Variants in PALM2AKAP2 observed in about 807,000 individuals in gnomAD.
PALM2AKAP2 encodes the protein PALM2 and AKAP2 fusion, also known as PALM2-AKAP2 fusion protein.
Under a neutral mutation model 71.5 loss-of-function variants are expected in PALM2AKAP2, and 37 were observed. The observed-to-expected ratio is 0.52, with a 90% confidence interval of 0.40 to 0.68. PALM2AKAP2 has a LOEUF of 0.68. Among genes scored for constraint, PALM2AKAP2 ranks in the 30% least tolerant of loss-of-function variants. The pLI, the probability that PALM2AKAP2 is intolerant of heterozygous loss-of-function variation, is 0.00. For synonymous variants in PALM2AKAP2, 468 were observed against 478.8 expected, an observed-to-expected ratio of 0.98 and a Z score of 0.29; for missense variants, 1,224 against 1,191.8, an observed-to-expected ratio of 1.03 and a Z score of -0.40.
chr9:109,670,803 A>G (rs1372451591), intron 1 of PALM2AKAP2, among the ~76,000 whole-genome samples: 5 of 152,168 alleles, frequency 3.3e-5, no homozygotes, highest in South Asian at 2.1e-4. Flanking sequence ...CTATTTAATA[A>G]TAGCCATTCT....
At chr9:110,156,250 C>T (rs554236737) in intron 2 of PALM2AKAP2, 69 bp from the exon 9 acceptor site, 51 of 1,469,914 alleles carry the variant, frequency 3.5e-5, no homozygotes, top group East Asian at 1.9e-4. Context: ...TTTTATTTGC[C>T]AGTTTTCTTT....
At chr9:110,120,316 T>A (rs141823168) in intron 1 of PALM2AKAP2, among the ~76,000 whole-genome samples, 1 of 152,202 alleles carries the variant, frequency 6.6e-6, no homozygotes, top group Non-Finnish European at 1.5e-5. Context: ...ATCTTTTGAG[T>A]CTAAGATCCT....
intron 3 of PALM2AKAP2, among the ~76,000 whole-genome samples, chr9:109,887,966 C>G (rs140754652): frequency 6.6e-6 from 1 of 152,166 alleles, no homozygotes; most frequent in Admixed American, 6.5e-5. Flanking sequence ...GTGCATCAGA[C>G]GCACCATGAC....
chr9:110,040,414 T>C (rs569955288), intron 7 of PALM2AKAP2, among the ~76,000 whole-genome samples: 1 of 152,322 alleles, frequency 6.6e-6, no homozygotes, highest in Non-Finnish European at 1.5e-5. Context: ...ATGTTCAGTA[T>C]ACTAGAAGGA....
chr9:110,052,253 T>C (rs1452612717), intron 1 of PALM2AKAP2, among the ~76,000 whole-genome samples: 1 of 152,162 alleles, frequency 6.6e-6, no homozygotes, highest in East Asian at 1.9e-4. Context: ...AGAATTTCTG[T>C]AAAGCTAAAA....
chr9:109,775,319 A>T (rs576599601), upstream of PALM2AKAP2, among the ~76,000 whole-genome samples: 1 of 152,376 alleles, frequency 6.6e-6, no homozygotes, highest in African/African-American at 2.4e-5. Flanking sequence ...TAAAGACCTT[A>T]GCCACTATAT....
chr9:110,027,982 C>A (rs1833212999), intron 7 of PALM2AKAP2, among the ~76,000 whole-genome samples: 1 of 152,094 alleles, frequency 6.6e-6, no homozygotes, highest in Non-Finnish European at 1.5e-5. Context: ...AAAGATCGCT[C>A]TAAATTTGGT....
intron 3 of PALM2AKAP2, among the ~76,000 whole-genome samples, chr9:109,902,457 T>C (rs1200200208): frequency 1.3e-5 from 2 of 152,220 alleles, no homozygotes; most frequent in South Asian, 2.1e-4. Context: ...AATTCAGCCA[T>C]CCCTCAATTT....
chr9:109,790,796 C>T (rs550830746), intron 1 of PALM2AKAP2, among the ~76,000 whole-genome samples: 1 of 152,292 alleles, frequency 6.6e-6, no homozygotes, highest in Admixed American at 6.5e-5. Flanking sequence ...TGAAAATGTC[C>T]TTGCTCCAGT....
At chr9:110,015,046 G>T (rs983314841) in intron 6 of PALM2AKAP2, among the ~76,000 whole-genome samples, 4 of 151,712 alleles carry the variant, frequency 2.6e-5, no homozygotes, top group Non-Finnish European at 4.4e-5. Context: ...TGTCTTGCCG[G>T]ATGTCCACTC....
At chr9:109,647,712 A>G (rs1260829984) in intron 1 of PALM2AKAP2, among the ~76,000 whole-genome samples, 1 of 152,178 alleles carries the variant, frequency 6.6e-6, no homozygotes, top group African/African-American at 2.4e-5. Flanking sequence ...TCTACTTGTC[A>G]CTTTCTCAGA....
intron 1 of PALM2AKAP2, among the ~76,000 whole-genome samples, chr9:109,656,616 T>C (rs1003354250): frequency 6.6e-5 from 10 of 152,238 alleles, no homozygotes; most frequent in African/African-American, 2.2e-4. Context: ...TTACACAATC[T>C]GATATGTAGT....
chr9:109,668,529 G>T (rs1290930602), intron 1 of PALM2AKAP2, among the ~76,000 whole-genome samples: 15 of 152,148 alleles, frequency 9.9e-5, no homozygotes, highest in Admixed American at 9.8e-4. Flanking sequence ...ATATGTATTG[G>T]GAGATTAATT....
In PALM2AKAP2 at chr9:110,014,524, G is replaced by A. The variant is rs1310935500; in HGVS notation, c.497-1430G>A. On this transcript the variant is annotated intron_variant, in intron 6 of 9. Transcript: ENST00000302798. ...ACAGTGGCTCACTCCTGTAATCCCA[G>A]CACTTTGGGAGGCTGAAGTGGGCAC... 3.3e-5 allele frequency among the ~76,000 whole-genome samples: 5 copies of A among 151,872 alleles called. No individual in the cohort carries two copies. The South Asian group carries it at 1.0e-3, about 32-fold the overall frequency.
intron 5 of PALM2AKAP2, among the ~76,000 whole-genome samples, chr9:109,926,690 C>CT (rs1162339074): frequency 1.3e-5 from 2 of 151,600 alleles, no homozygotes; most frequent in Non-Finnish European, 2.9e-5. Context: ...TATGCTTTCA[C>CT]TTTTTTTTTC....
At chr9:109,883,426 G>C (rs1480086555) in intron 3 of PALM2AKAP2, among the ~76,000 whole-genome samples, 1 of 152,178 alleles carries the variant, frequency 6.6e-6, no homozygotes, top group Non-Finnish European at 1.5e-5. Context: ...TGTGTGCTGA[G>C]ATGAGCTGTG....
intron 3 of PALM2AKAP2, among the ~76,000 whole-genome samples, chr9:110,159,506 T>C (rs1339367877): frequency 1.3e-5 from 2 of 152,254 alleles, no homozygotes; most frequent in East Asian, 3.8e-4. Flanking sequence ...CAGTTATTTG[T>C]GAATTGAGCA....
intron 6 of PALM2AKAP2, among the ~76,000 whole-genome samples, chr9:109,956,530 C>T (rs1831750780): frequency 6.6e-6 from 1 of 152,134 alleles, no homozygotes; most frequent in Non-Finnish European, 1.5e-5. Flanking sequence ...AACTTATTTC[C>T]AGTCAGAGTA....
At chr9:109,878,706 C>A (rs1829772160) in intron 2 of PALM2AKAP2, among the ~76,000 whole-genome samples, 1 of 152,090 alleles carries the variant, frequency 6.6e-6, no homozygotes, top group Non-Finnish European at 1.5e-5. Flanking sequence ...GAATCAGGAC[C>A]ATTAGTGAAG....
Sources: gnomAD v4.1 joint callset for allele counts (sites outside exome capture counted in the v4.1 genomes callset) on GRCh38, gnomAD v4.1.1 for gene constraint, MANE v1.5 for transcripts, NCBI Gene and HGNC (gene_info 2026-07-23, HGNC 2026-07-21) for gene names.